The following RBM19 variants were observed in gnomAD, a reference collection of about 807,000 sequenced individuals.
RBM19 encodes the protein RNA binding motif protein 19.
A neutral mutation model predicts 116.8 loss-of-function variants in RBM19; 94 were observed. The ratio of observed to expected loss-of-function variants is 0.80; its 90% CI spans 0.68 to 0.95. The LOEUF is 0.95. Ranked by LOEUF, RBM19 falls within the 40% of genes least tolerant of loss-of-function variation. RBM19 has a pLI of 0.00. For synonymous variants in RBM19, 475 were observed against 494.1 expected, an observed-to-expected ratio of 0.96 and a Z score of 0.51; for missense variants, 1,161 against 1,220.7, an observed-to-expected ratio of 0.95 and a Z score of 0.73.
intron 6 of RBM19, among the ~76,000 whole-genome samples, chr12:113,956,992 C>T (rs570150773): frequency 2.6e-5 from 4 of 152,324 alleles, no homozygotes; most frequent in African/African-American, 9.6e-5. Context: ...GTCTGCACCC[C>T]TCTGCCTGTG....
intron 5 of RBM19, among the ~76,000 whole-genome samples, chr12:113,958,812 A>G (rs1872209786): frequency 6.9e-6 from 1 of 144,206 alleles, no homozygotes; most frequent in Non-Finnish European, 1.5e-5. Context: ...GCCTTCCCTC[A>G]TAATTCTCCT....
chr12:113,883,933 C>CAGAAAT (rs1172753668), intron 21 of RBM19, among the ~76,000 whole-genome samples: 2 of 152,032 alleles, frequency 1.3e-5, no homozygotes, highest in Non-Finnish European at 2.9e-5. Context: ...AATACAGATA[C>CAGAAAT]AGAAATAGAA....
rs1874768930 is a variant in RBM19 at position 113,825,360 on chromosome 12, G to A, written c.2786-2039C>T. On this transcript the variant is annotated intron_variant, in intron 23 of 23. Transcript: ENST00000261741. The surrounding 1 kb of genome is among the most constrained non-coding windows in gnomAD (Gnocchi z 5.7). Reference sequence around the variant, plus strand: ...GTGGGCTGGGGTGGTGGGGGCTGGCGGCCCGGGGCTCGGACTCCGGCTTCC... The same window carrying A: ...GTGGGCTGGGGTGGTGGGGGCTGGCAGCCCGGGGCTCGGACTCCGGCTTCC... 1.3e-5 allele frequency among the ~76,000 whole-genome samples: 2 copies of A among 152,168 alleles called. No individual in the cohort carries two copies. Among genetic ancestry groups the A allele is most frequent in the South Asian group, 2.1e-4 (1 of 4,824 alleles).
chr12:113,871,600 G>T (rs1367921686), intron 21 of RBM19, among the ~76,000 whole-genome samples: 1 of 152,230 alleles, frequency 6.6e-6, no homozygotes, highest in Non-Finnish European at 1.5e-5. Context: ...GGACGACGGG[G>T]ACGTAGGCTT....
chr12:113,925,193 C>T (rs952380383), intron 17 of RBM19, among the ~76,000 whole-genome samples: 6 of 152,160 alleles, frequency 3.9e-5, no homozygotes, highest in Non-Finnish European at 5.9e-5. Context: ...ATTTGAAACC[C>T]ACCCAGAGCA....
chr12:113,843,602 C>T (rs968671951), intron 23 of RBM19, among the ~76,000 whole-genome samples: 7 of 152,124 alleles, frequency 4.6e-5, no homozygotes, highest in African/African-American at 1.7e-4. Flanking sequence ...CTTTTGCTGC[C>T]GGGCCCAGGC....
At position 113,908,947 on chromosome 12, in the gene RBM19, T is replaced by G. The variant is rs570774607; in HGVS notation, c.2558+6022A>C. ...CCAGTCAGAGTGTCCCAGCTTATAT[T>G]CGGGGGTTGGGGGTCAGTACACTAA... On this transcript the variant is annotated intron_variant, in intron 21 of 23. Coordinates refer to ENST00000261741, the MANE Select transcript of RBM19 (RefSeq NM_016196.4). Among the ~76,000 whole-genome samples, 4 of 152,284 alleles carry G rather than the reference T, an allele frequency of 2.6e-5. No homozygotes were observed. In the South Asian group the frequency reaches 6.2e-4, roughly 24 times the overall value.
At chr12:113,947,883 G>A (rs973940628) in intron 10 of RBM19, among the ~76,000 whole-genome samples, 2 of 152,170 alleles carry the variant, frequency 1.3e-5, no homozygotes, top group Non-Finnish European at 2.9e-5. Context: ...GCCAGGGTGT[G>A]ACCGCGTCCC....
intron 23 of RBM19, among the ~76,000 whole-genome samples, chr12:113,838,262 C>A (rs1876137495): frequency 1.3e-5 from 2 of 152,200 alleles, no homozygotes; most frequent in East Asian, 1.9e-4. Context: ...GGGAGGAAAC[C>A]AGAGGACCTG....
intron 7 of RBM19, among the ~76,000 whole-genome samples, chr12:113,954,502 C>A (rs1180578681): frequency 5.3e-5 from 8 of 152,120 alleles, no homozygotes; most frequent in African/African-American, 1.9e-4. Flanking sequence ...AGCCTGGCAC[C>A]CCATTGGGGT....
chr12:113,895,305 C>G (rs368830791), intron 21 of RBM19, among the ~76,000 whole-genome samples: 3 of 152,000 alleles, frequency 2.0e-5, no homozygotes, highest in African/African-American at 7.3e-5. Flanking sequence ...TGTCAGTCCA[C>G]GAGGGATGAT....
chr12:113,835,173 C>T (rs866543252), intron 23 of RBM19, among the ~76,000 whole-genome samples: 3 of 152,164 alleles, frequency 2.0e-5, no homozygotes, highest in Admixed American at 6.5e-5. Flanking sequence ...TGTGGGGTGA[C>T]TGTGAAGATG....
At chr12:113,886,628 T>C (rs1350740778) in intron 21 of RBM19, among the ~76,000 whole-genome samples, 1 of 152,252 alleles carries the variant, frequency 6.6e-6, no homozygotes, top group African/African-American at 2.4e-5. Flanking sequence ...CCTTTCTCAG[T>C]AGTTTGGACC....
chr12:113,958,564 C>T (rs986151204), intron 5 of RBM19, among the ~76,000 whole-genome samples: 1 of 152,164 alleles, frequency 6.6e-6, no homozygotes, highest in African/African-American at 2.4e-5. Flanking sequence ...CCTCTCCCCT[C>T]CCCTACCGTG....
chr12:113,859,368 G>A (rs914051356), intron 21 of RBM19, among the ~76,000 whole-genome samples: 1 of 152,168 alleles, frequency 6.6e-6, no homozygotes, highest in African/African-American at 2.4e-5. Context: ...AGCACATGGC[G>A]ACCCCAGGCT....
intron 23 of RBM19, among the ~76,000 whole-genome samples, chr12:113,832,299 C>T (rs1875495236): frequency 6.6e-6 from 1 of 151,922 alleles, no homozygotes; most frequent in African/African-American, 2.4e-5. Flanking sequence ...AAGTGATTCT[C>T]CTGCCTCAGC....
In RBM19 at chr12:113,962,490, G is replaced by T. The variant is rs570932024; in HGVS notation, c.37-76C>A. On this transcript the variant is annotated intron_variant, in intron 1 of 23. Transcript: ENST00000261741. ...AGGGGACAAAATGGGCTGGAAACCT[G>T]AGGCCACGAGATTCTCCAAGGGTGG... is the stretch of plus-strand genomic sequence containing the variant. 1.7e-5 allele frequency: 24 copies of T among 1,425,142 alleles called. No homozygotes were observed. In the South Asian group the frequency reaches 2.6e-4, roughly 15 times the overall value. 88.3% of individuals were successfully genotyped at this position (1,425,142 alleles called of 1,614,324 possible). A position where few individuals can be genotyped will look rare whatever the true frequency, so the allele number is the denominator to read the frequency against.
At chr12:113,933,627 CA>C (rs1869811593) in intron 16 of RBM19, among the ~76,000 whole-genome samples, 2 of 152,088 alleles carry the variant, frequency 1.3e-5, no homozygotes, top group Non-Finnish European at 2.9e-5. Context: ...GACACATGCT[CA>C]AACCTACAAT....
intron 21 of RBM19, among the ~76,000 whole-genome samples, chr12:113,867,607 G>A (rs1878921646): frequency 6.6e-6 from 1 of 152,132 alleles, no homozygotes; most frequent in Non-Finnish European, 1.5e-5. Context: ...CATTCTCTTT[G>A]TAAATCTTTA....
Sources: gnomAD v4.1 joint callset for allele counts (sites outside exome capture counted in the v4.1 genomes callset) on GRCh38, gnomAD v4.1.1 for gene constraint, Gnocchi (gnomAD v3.1) non-coding constraint, MANE v1.5 for transcripts, NCBI Gene and HGNC (gene_info 2026-07-23, HGNC 2026-07-21) for gene names.